DIS3L2: variants seen among roughly 807,000 people sequenced by gnomAD.
The protein encoded by DIS3L2 is DIS3 like 3'-5' exoribonuclease 2.
DIS3L2 carries 34 observed loss-of-function variants against 97.5 expected under a neutral mutation model. That is an observed-to-expected ratio of 0.35 (90% CI 0.27 to 0.46). DIS3L2 has a LOEUF of 0.46. DIS3L2 is among the 20% of genes least tolerant of loss of function. DIS3L2 has a pLI of 1.00. For missense variants in DIS3L2, 1,038 were observed against 1,146.0 expected, an observed-to-expected ratio of 0.91 and a Z score of 1.36; for synonymous variants, 435 against 445.2, an observed-to-expected ratio of 0.98 and a Z score of 0.29.
chr2:232,240,070 A>G (rs1345892881), intron 11 of DIS3L2, among the ~76,000 whole-genome samples: 1 of 152,200 alleles, frequency 6.6e-6, no homozygotes, highest in Non-Finnish European at 1.5e-5. Flanking sequence ...TCCTGCTACA[A>G]AGGGAGCTAG....
At chr2:232,206,272 A>G (rs552223092) in intron 9 of DIS3L2, among the ~76,000 whole-genome samples, 5 of 152,374 alleles carry the variant, frequency 3.3e-5, no homozygotes, top group African/African-American at 1.2e-4. Flanking sequence ...AAACTGATTT[A>G]ATCATAAGAT....
chr2:232,331,227 G>GCCAC (rs1695727225), intron 16 of DIS3L2, among the ~76,000 whole-genome samples: 1 of 152,260 alleles, frequency 6.6e-6, no homozygotes, highest in South Asian at 2.1e-4. Context: ...GGCCTGCAGG[G>GCCAC]AGGTGGCAGC....
chr2:232,305,181 T>C (rs1694955969), intron 14 of DIS3L2, among the ~76,000 whole-genome samples: 1 of 152,194 alleles, frequency 6.6e-6, no homozygotes, highest in Non-Finnish European at 1.5e-5. Flanking sequence ...GTTCAAGTGA[T>C]TCTCTTGCCT....
In DIS3L2 at chr2:232,068,008, GAGA is replaced by G. The variant is rs529840170; in HGVS notation, c.367-19476_367-19474del. 2.1e-3 allele frequency among the ~76,000 whole-genome samples: 316 copies of G among 152,248 alleles called. 2 individuals are homozygous for G. Among genetic ancestry groups the G allele is most frequent in the African/African-American group, 7.4e-3 (307 of 41,550 alleles). On this transcript the variant is annotated intron_variant, in intron 5 of 20. Transcript: ENST00000325385. ...AGAGGGAGAGGCAATGAGATGGGGA[GAGA>G]AGGATTATCCAAGGAGCAAAACCCT...
intron 14 of DIS3L2, among the ~76,000 whole-genome samples, chr2:232,320,944 A>T (rs1695413861): frequency 6.6e-6 from 1 of 152,166 alleles, no homozygotes; most frequent in Non-Finnish European, 1.5e-5. Context: ...AGCCCACAGG[A>T]CCATGGAGCC....
At chr2:232,283,901 G>T (rs1370657779) in intron 13 of DIS3L2, among the ~76,000 whole-genome samples, 1 of 152,134 alleles carries the variant, frequency 6.6e-6, no homozygotes, top group East Asian at 1.9e-4. Context: ...CATAAAACTA[G>T]ACACACCCAT....
At chr2:232,116,576 C>G (rs915391985) in intron 6 of DIS3L2, among the ~76,000 whole-genome samples, 3 of 152,184 alleles carry the variant, frequency 2.0e-5, no homozygotes, top group Non-Finnish European at 4.4e-5. Flanking sequence ...CAAGGGAAAT[C>G]TTTGCCTGAC....
At chr2:232,262,998 T>G (rs1274008854) in intron 12 of DIS3L2, among the ~76,000 whole-genome samples, 1 of 152,148 alleles carries the variant, frequency 6.6e-6, no homozygotes, top group Non-Finnish European at 1.5e-5. Flanking sequence ...TTGGATTAAT[T>G]CCACGCCAGG....
chr2:232,126,888 C>G (rs1698076263), intron 6 of DIS3L2, among the ~76,000 whole-genome samples: 1 of 152,178 alleles, frequency 6.6e-6, no homozygotes. Context: ...CAGGTCCACT[C>G]ACAGATCTAG....
At chr2:232,143,834 C>T (rs1420577346) in intron 8 of DIS3L2, among the ~76,000 whole-genome samples, 1 of 151,928 alleles carries the variant, frequency 6.6e-6, no homozygotes, top group African/African-American at 2.4e-5. Context: ...GTATCCTAAA[C>T]CATAATTTTT....
chr2:232,287,733 T>G (rs1366167758), intron 13 of DIS3L2, among the ~76,000 whole-genome samples: 1 of 152,004 alleles, frequency 6.6e-6, no homozygotes, highest in East Asian at 1.9e-4. Flanking sequence ...CCAAATACCC[T>G]CCATTTGGTC....
chr2:232,261,046 C>T (rs1693699127), intron 12 of DIS3L2, among the ~76,000 whole-genome samples: 1 of 152,214 alleles, frequency 6.6e-6, no homozygotes, highest in Non-Finnish European at 1.5e-5. Flanking sequence ...ACAGAAAATA[C>T]ACTTCCACGC....
At position 232,005,058 on chromosome 2, in the gene DIS3L2, C is replaced by G. The variant is rs1215151636; in HGVS notation, c.-93-9777C>G. ...TTGAGGTTGGGATTTGTAGTTTTCC[C>G]TTTAGAATGGATGTTTTCTGGGTTC... On this transcript the variant is annotated intron_variant, in intron 1 of 20. Transcript: ENST00000325385. Among the ~76,000 whole-genome samples, 3 of 151,736 alleles carry G rather than the reference C, an allele frequency of 2.0e-5. No individual in the cohort carries two copies. In the East Asian group the frequency reaches 5.8e-4, roughly 29 times the overall value.
chr2:232,301,414 G>A (rs12467271), intron 14 of DIS3L2, among the ~76,000 whole-genome samples: 9,656 of 152,212 alleles, frequency 0.063, 855 homozygotes, highest in East Asian at 0.43. Flanking sequence ...TTCAGTGGAA[G>A]GAAACAAATA....
rs1490216542 is a variant in DIS3L2, at chr2:232,270,903, TCTC to T, written c.1659+7464_1659+7466del. 2.2e-3 allele frequency among the ~76,000 whole-genome samples: 328 copies of T among 145,944 alleles called. 1 individual carries two copies. Among genetic ancestry groups the T allele is most frequent in the African/African-American group, 8.0e-3 (304 of 37,916 alleles). On this transcript the variant is annotated intron_variant, in intron 13 of 20. Transcript: ENST00000325385. ...CTCTCTCTCTCTCTCTCTCTCTCTC[TCTC>T]TCTCTCTCTGTCTCGTCTCTCTCTC...
chr2:232,112,317 A>G (rs1200745218), intron 6 of DIS3L2, among the ~76,000 whole-genome samples: 2 of 152,254 alleles, frequency 1.3e-5, no homozygotes, highest in African/African-American at 4.8e-5. Context: ...AGTGAGGATT[A>G]TGCTATTTTA....
At chr2:232,054,823 G>A (rs1301523066) in intron 5 of DIS3L2, among the ~76,000 whole-genome samples, 1 of 152,084 alleles carries the variant, frequency 6.6e-6, no homozygotes, top group Non-Finnish European at 1.5e-5. Flanking sequence ...TGTAGGCAAA[G>A]TCCTTTTATA....
intron 8 of DIS3L2, among the ~76,000 whole-genome samples, chr2:232,156,145 T>A (rs550002715): frequency 1.3e-5 from 2 of 152,218 alleles, no homozygotes; most frequent in Non-Finnish European, 2.9e-5. Flanking sequence ...ACTTGCCCAG[T>A]TTCATTTTCC....
intron 7 of DIS3L2, 28 bp from the exon 8 acceptor site, chr2:232,136,444 A>G (rs747746718): frequency 1.9e-6 from 3 of 1,611,684 alleles, no homozygotes. Context: ...CAGATAAACA[A>G]CATTGACTAT....
Sources: gnomAD v4.1 joint callset for allele counts (sites outside exome capture counted in the v4.1 genomes callset) on GRCh38, gnomAD v4.1.1 for gene constraint, MANE v1.5 for transcripts, NCBI Gene and HGNC (gene_info 2026-07-23, HGNC 2026-07-21) for gene names.